HERC2: variants seen among roughly 807,000 people sequenced by gnomAD.
The protein encoded by HERC2 is HECT and RLD domain containing E3 ubiquitin protein ligase 2.
Under a neutral mutation model 537.7 loss-of-function variants are expected in HERC2, and 102 were observed. That is an observed-to-expected ratio of 0.19 (90% CI 0.16 to 0.22). The LOEUF (loss-of-function observed/expected upper bound fraction) is 0.22, where lower values mean the gene tolerates loss of function less well. HERC2 is among the 10% of genes least tolerant of loss of function. The pLI, the probability that HERC2 is intolerant of heterozygous loss-of-function variation, is 1.00. For synonymous variants in HERC2, 2,224 were observed against 2,466.2 expected (o/e 0.90, Z 2.91); for missense variants, 4,236 against 6,198.2 (o/e 0.68, Z 10.63).
chr15:28,122,049 C>T lies in HERC2; in HGVS notation c.13189-620G>A, dbSNP rs1035412150. 7.5e-5 allele frequency among the ~76,000 whole-genome samples: 11 copies of T among 146,410 alleles called. No individual in the cohort carries two copies. The highest frequency in any genetic ancestry group is 2.8e-4 in the African/African-American group (11 of 39,404). ...GCCACTGCCTGCCATACAGCAGCCA[C>T]GGGGCCAGGGAGCACCGTGCAGCCA... On this transcript the variant is annotated intron_variant, in intron 85 of 92. Coordinates refer to ENST00000261609, the MANE Select transcript of HERC2 (RefSeq NM_004667.6). This position sits in a 1 kb window ranked among gnomAD's most constrained non-coding sequence, Gnocchi z 4.1.
At chr15:28,161,600 ACATGTGC>A (rs935581864) in intron 69 of HERC2, among the ~76,000 whole-genome samples, 16 of 152,364 alleles carry the variant, frequency 1.1e-4, no homozygotes, top group Admixed American at 3.9e-4. Context: ...GCTACTAGCC[ACATGTGC>A]CTCAAGTTGA....
chr15:28,117,698 C>T, intron 86 of HERC2: 1 of 379,440 alleles, frequency 2.6e-6, no homozygotes, highest in Non-Finnish European at 5.3e-6. Context: ...TCTGCTTCCA[C>T]CCATCCCATT....
chr15:28,233,240 G>A lies in HERC2; in HGVS notation c.4581C>T (p.Asp1527=). Residue 1527 remains aspartate (D), a synonymous_variant, in exon 30 of 93, where the codon GAC becomes GAT. Coordinates refer to ENST00000261609, the MANE Select transcript of HERC2 (RefSeq NM_004667.6). The part of the protein sequence containing the change: ...FNELRPAVCN[D]LSIMSKFKLL... ...ATTTAAACTTAGACATTATAGAGAG[G>A]TCATTACAAACAGCAGGTCTCAATT... The A allele has an allele frequency of 1.3e-6, 2 of 1,596,810 alleles. 1 individual carries two copies. The highest frequency in any genetic ancestry group is 1.7e-6 in the Non-Finnish European group (2 of 1,166,670).
At position 28,198,375 on chromosome 15, in the gene HERC2, T is replaced by C. The variant is rs1897557455; in HGVS notation, c.8011+3A>G. On this transcript the variant is annotated splice_donor_region_variant and intron_variant, in intron 50 of 92. Transcript: ENST00000261609. Reference sequence around the variant, plus strand: ...AGGAATTTTATTACCCAGATAATATTACCTTTCACAACCCCCACACTCTGA... The same window carrying C: ...AGGAATTTTATTACCCAGATAATATCACCTTTCACAACCCCCACACTCTGA... 1 of 1,610,684 alleles carries C rather than the reference T, an allele frequency of 6.2e-7. No individual in the cohort carries two copies. The highest frequency in any genetic ancestry group is 8.5e-7 in the Non-Finnish European group (1 of 1,179,498).
Position 28,113,844 on chromosome 15 carries a change from A to G in HERC2, c.13914-166T>C. 1.6e-6 allele frequency: 1 copy of G among 640,174 alleles called. No individual in the cohort carries two copies. Among genetic ancestry groups the G allele is most frequent in the Non-Finnish European group, 2.8e-6 (1 of 353,716 alleles). The allele number at this position is 640,174 out of a possible 1,614,324, so 39.7% of individuals were successfully genotyped here. On this transcript the variant is annotated intron_variant, in intron 90 of 92. Coordinates refer to ENST00000261609, the MANE Select transcript of HERC2 (RefSeq NM_004667.6). The surrounding 1 kb of genome is among the most constrained non-coding windows in gnomAD (Gnocchi z 7.0). ...CATGCTTAGCAGCTCGGCACTGCAG[A>G]GCTTCTCCTGACACTGGGCTCATCT...
chr15:28,226,216 A>C (rs1367736355), intron 35 of HERC2, among the ~76,000 whole-genome samples: 1 of 152,232 alleles, frequency 6.6e-6, no homozygotes, highest in Non-Finnish European at 1.5e-5. Context: ...TCCCCAAAAC[A>C]ATCTACAGAT....
intron 55 of HERC2, among the ~76,000 whole-genome samples, chr15:28,189,433 G>A (rs973250148): frequency 4.6e-5 from 7 of 152,088 alleles, no homozygotes; most frequent in Admixed American, 2.0e-4. Flanking sequence ...GGCTGTATTC[G>A]GTTACATTGC....
At chr15:28,137,489 T>C (rs1221483570) in intron 78 of HERC2, among the ~76,000 whole-genome samples, 1 of 152,252 alleles carries the variant, frequency 6.6e-6, no homozygotes, top group African/African-American at 2.4e-5. Flanking sequence ...TGTCACGTTT[T>C]GATAATTCTT....
At chr15:28,285,853 C>T (rs529479316) in intron 4 of HERC2, among the ~76,000 whole-genome samples, 3 of 142,318 alleles carry the variant, frequency 2.1e-5, no homozygotes, top group African/African-American at 8.2e-5. Flanking sequence ...ATGAAACGGA[C>T]TCTAAAGATA....
chr15:28,189,405 T>C (rs1896620327), intron 55 of HERC2, among the ~76,000 whole-genome samples: 1 of 152,250 alleles, frequency 6.6e-6, no homozygotes, highest in African/African-American at 2.4e-5. Context: ...CTGAACTATG[T>C]AACTAAGGCA....
At position 28,139,255 on chromosome 15, in the gene HERC2, G is replaced by C. The variant is rs1272736061; in HGVS notation, c.12015+2177C>G. On this transcript the variant is annotated intron_variant, in intron 78 of 92. Transcript: ENST00000261609. ...AGAATAGGGCAAGAACTGGAGTGTG[G>C]TCACTTCTGTGATTCAGTTACACAG... Among the ~76,000 whole-genome samples, 31 of 152,232 alleles carry C rather than the reference G, an allele frequency of 2.0e-4. 1 individual carries two copies. The highest frequency in any genetic ancestry group is 2.0e-3 in the Admixed American group (31 of 15,286).
intron 2 of HERC2, among the ~76,000 whole-genome samples, chr15:28,303,288 C>A (rs2076685566): frequency 6.6e-6 from 1 of 152,228 alleles, no homozygotes; most frequent in South Asian, 2.1e-4. Flanking sequence ...ATCCTCCGGG[C>A]ACCTCTGTCA....
At chr15:28,207,554 C>T (rs1163186961) in intron 44 of HERC2, among the ~76,000 whole-genome samples, 1 of 152,094 alleles carries the variant, frequency 6.6e-6, no homozygotes, top group Non-Finnish European at 1.5e-5. Flanking sequence ...ATTAAGTGAC[C>T]CCAATTCCAA....
At chr15:28,240,309 T>G (rs1015376726) in intron 23 of HERC2, among the ~76,000 whole-genome samples, 2 of 152,124 alleles carry the variant, frequency 1.3e-5, no homozygotes, top group Non-Finnish European at 2.9e-5. Context: ...TCCCAGCTAC[T>G]CGGGAGGCTG....
intron 4 of HERC2, among the ~76,000 whole-genome samples, chr15:28,280,869 C>A (rs533651142): frequency 6.6e-6 from 1 of 152,112 alleles, no homozygotes; most frequent in South Asian, 2.1e-4. Context: ...GAGATTTTGT[C>A]ACTGCACTCC....
At chr15:28,318,527 C>G (rs1320008056) in intron 2 of HERC2, among the ~76,000 whole-genome samples, 4 of 151,970 alleles carry the variant, frequency 2.6e-5, no homozygotes, top group Non-Finnish European at 5.9e-5. Context: ...ACTCGGGAGG[C>G]TGAGGCAGGA....
intron 23 of HERC2, among the ~76,000 whole-genome samples, chr15:28,243,219 A>C (rs138708972): frequency 6.6e-6 from 1 of 152,350 alleles, no homozygotes; most frequent in East Asian, 1.9e-4. Flanking sequence ...ATGGAAAAAA[A>C]GTGACATGTG....
intron 48 of HERC2, 66 bp downstream of exon 48, chr15:28,201,390 A>G (rs1897890615): frequency 9.6e-7 from 1 of 1,041,414 alleles, no homozygotes; most frequent in East Asian, 2.4e-5. Context: ...TTTGGCATAT[A>G]GGACATACTC....
At chr15:28,133,206 T>C (rs939287704) in intron 79 of HERC2, among the ~76,000 whole-genome samples, 1 of 152,186 alleles carries the variant, frequency 6.6e-6, no homozygotes, top group African/African-American at 2.4e-5. Flanking sequence ...TAAGGAAAGT[T>C]TGCACCTCAC....
Sources: allele counts gnomAD v4.1 joint callset (sites outside exome capture counted in the v4.1 genomes callset), GRCh38; gene constraint gnomAD v4.1.1; non-coding constraint Gnocchi (gnomAD v3.1); transcripts MANE v1.5; gene names NCBI Gene and HGNC (gene_info 2026-07-23, HGNC 2026-07-21).